Variants in NFU1 observed in about 807,000 individuals in gnomAD.
NFU1 encodes the protein NFU1 iron-sulfur cluster scaffold homolog, mitochondrial.
In NFU1, 30 loss-of-function variants were observed where a neutral mutation model predicts 32.2. The observed-to-expected ratio is 0.93, with a 90% confidence interval of 0.70 to 1.26. The LOEUF (loss-of-function observed/expected upper bound fraction) is 1.26, where lower values mean the gene tolerates loss of function less well. Ranked by LOEUF, NFU1 falls within the 50% of genes most tolerant of loss-of-function variation. The pLI is 0.00. For missense variants in NFU1, 306 were observed against 306.6 expected, an observed-to-expected ratio of 1.00 and a Z score of 0.02; for synonymous variants, 112 against 104.6, an observed-to-expected ratio of 1.07 and a Z score of -0.43.
chr2:69,437,612 G>A (rs190987455), upstream of NFU1: 62 of 710,848 alleles, frequency 8.7e-5, no homozygotes, highest in African/African-American at 8.9e-4. Context: ...ACCAAGAGAG[G>A]CCGGGGAACC....
chr2:69,396,274 G>C lies in NFU1; in HGVS notation c.737C>G (p.Ser246Ter). ...AGGTGAGTTTGCTTCTTTTTCATCT[G>C]ATTCATCATCCATAACCTAAAACCA... is the stretch of plus-strand genomic sequence containing the variant. ...EGVEQVMDDE[S>*]DEKEANSP is the part of the protein sequence containing the mutation. Residue 246 changes from serine to a stop codon, truncating the protein, a stop_gained, in exon 8 of 8, where the codon TCA (serine) becomes TGA (stop). Coordinates refer to ENST00000410022, the MANE Select transcript of NFU1 (RefSeq NM_001002755.4). LOFTEE classifies it high-confidence loss of function. 6.2e-7 allele frequency: 1 copy of C among 1,610,426 alleles called. No homozygotes were observed. Among genetic ancestry groups the C allele is most frequent in the Non-Finnish European group, 8.5e-7 (1 of 1,177,570 alleles).
chr2:69,426,568 G>A (rs1038395045), intron 2 of NFU1, among the ~76,000 whole-genome samples: 2 of 152,020 alleles, frequency 1.3e-5, no homozygotes, highest in African/African-American at 4.8e-5. Flanking sequence ...TTACAGGCAT[G>A]AGCCACTGTG....
chr2:69,413,285 C>CA (rs1218849325), intron 5 of NFU1, among the ~76,000 whole-genome samples: 61 of 66,560 alleles, frequency 9.2e-4, no homozygotes, highest in East Asian at 2.3e-3. Context: ...AACTCCGTTT[C>CA]AAAAAAAAAA....
intron 1 of NFU1, among the ~76,000 whole-genome samples, chr2:69,434,138 CT>C (rs141478065): frequency 7.4e-5 from 5 of 67,176 alleles, no homozygotes; most frequent in Admixed American, 2.6e-4. Context: ...CTTCACTTCA[CT>C]TTTTTTTTTC....
upstream of NFU1, among the ~76,000 whole-genome samples, chr2:69,437,889 T>A (rs992358662): frequency 2.0e-5 from 3 of 152,206 alleles, no homozygotes; most frequent in African/African-American, 7.2e-5. Flanking sequence ...CCCATGGGTC[T>A]GATGTGGAAC....
upstream of NFU1, among the ~76,000 whole-genome samples, chr2:69,437,843 C>T (rs565891466): frequency 6.6e-6 from 1 of 152,188 alleles, no homozygotes; most frequent in Non-Finnish European, 1.5e-5. Flanking sequence ...CTGGAGCATT[C>T]CTTCTAAAAG....
chr2:69,430,802 T>C (rs1256591360), intron 2 of NFU1, among the ~76,000 whole-genome samples: 4 of 152,246 alleles, frequency 2.6e-5, no homozygotes, highest in African/African-American at 9.6e-5. Context: ...TTCTGGCCCC[T>C]GGCTACAGAA....
At chr2:69,395,997 CAAAG>C (rs780507888), downstream of NFU1, 8 of 426,140 alleles carry the variant, frequency 1.9e-5, no homozygotes, top group East Asian at 3.1e-4. Context: ...CACACATATG[CAAAG>C]AAAGAGCCAT....
chr2:69,437,488 G>A (rs753424678), upstream of NFU1: 76 of 1,565,072 alleles, frequency 4.9e-5, no homozygotes, highest in Non-Finnish European at 9.5e-6. Context: ...CCGCAGGCTG[G>A]CCGGTAGCTG....
chr2:69,437,189 C>G (rs555675114), intron 1 of NFU1, 172 bp downstream of exon 1: 3 of 1,398,666 alleles, frequency 2.1e-6, no homozygotes. Context: ...AAGCGCCGAG[C>G]TCCCGCACAG....
chr2:69,437,283 AG>A (rs1673876818), intron 1 of NFU1, 77 bp downstream of exon 1: 5 of 1,542,148 alleles, frequency 3.2e-6, no homozygotes, highest in Non-Finnish European at 4.4e-6. Flanking sequence ...GCCTCGAGAG[AG>A]GGTCTGCAAG....
At chr2:69,422,231 G>A (rs1321759212) in intron 3 of NFU1, among the ~76,000 whole-genome samples, 1 of 152,084 alleles carries the variant, frequency 6.6e-6, no homozygotes, top group Non-Finnish European at 1.5e-5. Context: ...TTATGCCCTG[G>A]GGAGGACAGA....
intron 4 of NFU1, among the ~76,000 whole-genome samples, chr2:69,416,976 A>G (rs1673077643): frequency 6.6e-6 from 1 of 152,204 alleles, no homozygotes; most frequent in African/African-American, 2.4e-5. Flanking sequence ...TTATAAAAGT[A>G]AAACTAGTGA....
intron 3 of NFU1, among the ~76,000 whole-genome samples, chr2:69,422,263 C>A (rs1411424492): frequency 6.6e-6 from 1 of 152,108 alleles, no homozygotes; most frequent in Non-Finnish European, 1.5e-5. Flanking sequence ...CCATGCTACT[C>A]AGAAAAGCAG....
At chr2:69,397,023 G>C (rs1672361734) in intron 7 of NFU1, among the ~76,000 whole-genome samples, 1 of 151,600 alleles carries the variant, frequency 6.6e-6, no homozygotes, top group Admixed American at 6.6e-5. Flanking sequence ...AGTGAGCCTA[G>C]TGCCTGGTGA....
chr2:69,425,580 C>A (rs1222787429), intron 2 of NFU1, among the ~76,000 whole-genome samples: 1 of 152,060 alleles, frequency 6.6e-6, no homozygotes, highest in Admixed American at 6.6e-5. Flanking sequence ...GTCTCAAACT[C>A]CTGACCTCAC....
chr2:69,438,660 A>G (rs1435472648), upstream of NFU1, among the ~76,000 whole-genome samples: 1 of 152,248 alleles, frequency 6.6e-6, no homozygotes, highest in African/African-American at 2.4e-5. Flanking sequence ...TGGAAACAGC[A>G]CACCTGTTGT....
chr2:69,416,756 G>A (rs755044852), intron 4 of NFU1, among the ~76,000 whole-genome samples: 42 of 152,166 alleles, frequency 2.8e-4, no homozygotes, highest in Admixed American at 1.4e-3. Context: ...AAAATTAGCC[G>A]GCGTGGTTGC....
At chr2:69,439,454 T>C (rs932149688), upstream of NFU1, among the ~76,000 whole-genome samples, 1 of 152,070 alleles carries the variant, frequency 6.6e-6, no homozygotes, top group African/African-American at 2.4e-5. Flanking sequence ...TTGCGATGGG[T>C]GTTACAGTTC....
Sources: allele counts gnomAD v4.1 joint callset (sites outside exome capture counted in the v4.1 genomes callset), GRCh38; gene constraint gnomAD v4.1.1; transcripts MANE v1.5; gene names NCBI Gene and HGNC (gene_info 2026-07-23, HGNC 2026-07-21).